Variants in TTLL7 observed in about 807,000 individuals in gnomAD.
The protein encoded by TTLL7 is tubulin tyrosine ligase like 7.
TTLL7 carries 53 observed loss-of-function variants against 120.2 expected under a neutral mutation model. The ratio of observed to expected loss-of-function variants is 0.44; its 90% confidence interval spans 0.35 to 0.55. The LOEUF is 0.55. Among genes scored for constraint, TTLL7 ranks in the 20% least tolerant of loss-of-function variants. TTLL7 has a pLI of 0.00. For synonymous variants in TTLL7, 353 were observed against 351.7 expected, an observed-to-expected ratio of 1.00 and a Z score of -0.04; for missense variants, 803 against 1,054.7, an observed-to-expected ratio of 0.76 and a Z score of 3.31.
At chr1:83,990,208 G>A (rs1652855387) in intron 1 of TTLL7, among the ~76,000 whole-genome samples, 2 of 131,408 alleles carry the variant, frequency 1.5e-5, no homozygotes, top group South Asian at 2.3e-4. Context: ...TCGCTCTGTC[G>A]CCCAGGCCGG....
rs183653754 is a variant in TTLL7, at chr1:83,869,022, C to G, written c.*940G>C. 2.0e-5 allele frequency: 3 copies of G among 150,054 alleles called. No homozygotes were observed. The highest frequency in any genetic ancestry group is 7.3e-5 in the African/African-American group (3 of 40,828). The allele number at this position is 150,054 out of a possible 1,614,324, so 9.3% of individuals were successfully genotyped here. A position where few individuals can be genotyped will look rare whatever the true frequency, so the allele number is the denominator to read the frequency against. ...CAGAGTTTCACTCTTGTCACCCAGG[C>G]TAGAATGCAATGGCACAATCTCGGC... On this transcript the variant is annotated 3_prime_UTR_variant, in exon 21 of 21. Coordinates refer to ENST00000260505, the MANE Select transcript of TTLL7 (RefSeq NM_024686.6).
intron 20 of TTLL7, among the ~76,000 whole-genome samples, chr1:83,875,292 A>G (rs1280108347): frequency 6.6e-6 from 1 of 151,932 alleles, no homozygotes; most frequent in African/African-American, 2.4e-5. Context: ...GACACAATAT[A>G]TATTCCTTTG....
chr1:83,976,479 T>C (rs993557756), intron 1 of TTLL7, among the ~76,000 whole-genome samples: 4 of 152,144 alleles, frequency 2.6e-5, no homozygotes, highest in African/African-American at 9.6e-5. Flanking sequence ...TTAGTTTTTT[T>C]CACTAGGTAC....
chr1:83,941,266 T>C (rs912347746), intron 7 of TTLL7, among the ~76,000 whole-genome samples: 8 of 152,220 alleles, frequency 5.3e-5, no homozygotes, highest in African/African-American at 1.9e-4. Flanking sequence ...TTATAATTGC[T>C]TATTTTATTT....
intron 1 of TTLL7, among the ~76,000 whole-genome samples, chr1:83,963,003 A>C (rs1354607024): frequency 6.6e-6 from 1 of 152,176 alleles, no homozygotes; most frequent in Non-Finnish European, 1.5e-5. Flanking sequence ...TACATAGCCT[A>C]AACACAAAGT....
chr1:83,901,296 T>G (rs558629864), intron 18 of TTLL7, among the ~76,000 whole-genome samples: 8 of 152,106 alleles, frequency 5.3e-5, no homozygotes, highest in African/African-American at 1.9e-4. Context: ...TTTAATATTT[T>G]CTTTTTTACA....
At position 83,878,205 on chromosome 1, in the gene TTLL7, T is replaced by G. The variant is rs146022500; in HGVS notation, c.2543+4758A>C. 6.5e-3 allele frequency among the ~76,000 whole-genome samples: 993 copies of G among 151,962 alleles called. 13 individuals carry two copies. The highest frequency in any genetic ancestry group is 0.023 in the African/African-American group (948 of 41,508). ...AATTCTGTGAAATTTGGGTTTGTTT[T>G]TTTTTTTATTCCACTATATGGTTGA... On this transcript the variant is annotated intron_variant, in intron 20 of 20. Coordinates refer to ENST00000260505, the MANE Select transcript of TTLL7 (RefSeq NM_024686.6).
intron 1 of TTLL7, among the ~76,000 whole-genome samples, chr1:83,966,138 T>A (rs1650439788): frequency 6.6e-6 from 1 of 151,938 alleles, no homozygotes; most frequent in Admixed American, 6.6e-5. Context: ...AGCAGATGAC[T>A]CTCCATAAAT....
chr1:83,990,814 C>T (rs1435847778), intron 1 of TTLL7, among the ~76,000 whole-genome samples: 1 of 152,120 alleles, frequency 6.6e-6, no homozygotes, highest in Non-Finnish European at 1.5e-5. Context: ...AAAAATAGAA[C>T]TACCATATAC....
intron 1 of TTLL7, among the ~76,000 whole-genome samples, chr1:83,988,093 T>C (rs771458642): frequency 6.6e-6 from 1 of 152,180 alleles, no homozygotes; most frequent in Non-Finnish European, 1.5e-5. Context: ...CGTCCATGAG[T>C]ACCCAATGTT....
intron 19 of TTLL7, among the ~76,000 whole-genome samples, chr1:83,884,922 T>C (rs1427944349): frequency 6.6e-6 from 1 of 151,826 alleles, no homozygotes; most frequent in African/African-American, 2.4e-5. Flanking sequence ...GGCAAAGGAA[T>C]GAAAATTATT....
intron 6 of TTLL7, chr1:83,946,520 T>A (rs1375581023): frequency 2.0e-5 from 3 of 152,232 alleles, no homozygotes; most frequent in African/African-American, 7.2e-5. Flanking sequence ...AAGTATTATG[T>A]ACCGTGTATA....
chr1:83,946,692 A>C (rs1648539550), intron 6 of TTLL7, among the ~76,000 whole-genome samples: 1 of 152,204 alleles, frequency 6.6e-6, no homozygotes. Context: ...ATTTAAAGGC[A>C]AAGAAGATAT....
At position 83,890,489 on chromosome 1, in the gene TTLL7, A is replaced by G; in HGVS notation, c.2209-8T>C. ...TTTCACTATGTCCAAAACCTAGTGGAAAAACCAAAGTACTTACAATCTAGG... is the reference window on the plus strand; with the variant it reads ...TTTCACTATGTCCAAAACCTAGTGGGAAAACCAAAGTACTTACAATCTAGG... On this transcript the variant is annotated splice_polypyrimidine_tract_variant and splice_region_variant and intron_variant, in intron 18 of 20. Transcript: ENST00000260505. The G allele has an allele frequency of 6.2e-7, 1 of 1,604,884 alleles. No homozygotes were observed. The highest frequency in any genetic ancestry group is 8.5e-7 in the Non-Finnish European group (1 of 1,176,176).
chr1:83,912,301 A>G (rs1657750558), intron 14 of TTLL7: 1 of 152,152 alleles, frequency 6.6e-6, no homozygotes, highest in Admixed American at 6.6e-5. Context: ...TAGTCCTCCC[A>G]ATCAATGTGT....
At chr1:83,997,175 G>A (rs1653559563) in intron 1 of TTLL7, among the ~76,000 whole-genome samples, 1 of 152,140 alleles carries the variant, frequency 6.6e-6, no homozygotes. Flanking sequence ...ATTCTCCAAT[G>A]CAAATGGTTC....
intron 20 of TTLL7, among the ~76,000 whole-genome samples, chr1:83,875,017 A>T (rs1653801330): frequency 6.6e-6 from 1 of 151,930 alleles, no homozygotes; most frequent in Non-Finnish European, 1.5e-5. Context: ...TAAACCTTTA[A>T]ATTATAAAGT....
rs1336805745 is a variant in TTLL7, at chr1:83,904,026, C to G, written c.2208+53G>C. ...TGTCTATGAATTTGGCTTAATGATC[C>G]TAGCTTAATACATAATCCAAGAGGG... is the stretch of plus-strand genomic sequence containing the variant. On this transcript the variant is annotated intron_variant, in intron 18 of 20. Transcript: ENST00000260505. 2.8e-6 allele frequency: 4 copies of G among 1,411,080 alleles called. No homozygotes were observed. In the African/African-American group the frequency reaches 4.3e-5, roughly 15 times the overall value. 87.4% of individuals were successfully genotyped at this position (1,411,080 alleles called of 1,614,324 possible).
intron 1 of TTLL7, among the ~76,000 whole-genome samples, chr1:83,961,016 A>G (rs901067935): frequency 2.0e-5 from 3 of 152,164 alleles, no homozygotes; most frequent in Non-Finnish European, 4.4e-5. Flanking sequence ...TAAAAACCTG[A>G]TAACAGCCAA....
Sources: gnomAD v4.1 joint callset for allele counts (sites outside exome capture counted in the v4.1 genomes callset) on GRCh38, gnomAD v4.1.1 for gene constraint, MANE v1.5 for transcripts, NCBI Gene and HGNC (gene_info 2026-07-23, HGNC 2026-07-21) for gene names.